VPS54: variants seen among roughly 807,000 people sequenced by gnomAD.
The protein encoded by VPS54 is vacuolar protein sorting-associated protein 54.
A neutral mutation model predicts 121.5 loss-of-function variants in VPS54; 45 were observed. The ratio of observed to expected loss-of-function variants is 0.37; its 90% CI spans 0.29 to 0.47. The LOEUF (loss-of-function observed/expected upper bound fraction) is 0.47, where lower values mean the gene tolerates loss of function less well. Among genes scored for constraint, VPS54 ranks in the 20% least tolerant of loss-of-function variants. VPS54 has a pLI of 0.99. For missense variants in VPS54, 1,090 were observed against 1,131.4 expected (o/e 0.96, Z 0.52); for synonymous variants, 371 against 385.8 (o/e 0.96, Z 0.45).
intron 20 of VPS54, among the ~76,000 whole-genome samples, chr2:63,905,181 A>G (rs1672850019): frequency 6.6e-6 from 1 of 152,198 alleles, no homozygotes; most frequent in African/African-American, 2.4e-5. Flanking sequence ...GCAAGTTAAA[A>G]GAAAATAGAA....
chr2:63,961,979 C>T, intron 7 of VPS54, 79 bp downstream of exon 7: 1 of 1,381,158 alleles, frequency 7.2e-7, no homozygotes, highest in Non-Finnish European at 9.7e-7. Context: ...AATATATTCA[C>T]ACTTTTAACA....
intron 1 of VPS54, among the ~76,000 whole-genome samples, chr2:63,992,106 G>A (rs780289605): frequency 3.3e-5 from 5 of 152,154 alleles, no homozygotes; most frequent in African/African-American, 4.8e-5. Context: ...TAAACTAATC[G>A]TGTCTGCCAA....
intron 22 of VPS54, 103 bp from the exon 23 acceptor site, chr2:63,893,638 G>A (rs1049187664): frequency 9.9e-7 from 1 of 1,007,864 alleles, no homozygotes; most frequent in Non-Finnish European, 1.4e-6. Flanking sequence ...CTAAAATTCA[G>A]ATTTCTTAGT....
Position 63,898,541 on chromosome 2 carries a change from GA to G in VPS54, c.2733+932del, listed in dbSNP as rs142318285. 4.8e-3 allele frequency among the ~76,000 whole-genome samples: 726 copies of G among 152,234 alleles called. 9 individuals carry two copies. The highest frequency in any genetic ancestry group is 0.016 in the African/African-American group (674 of 41,536). ...AGGATGGAAGTTTGAGGTAGCATAG[GA>G]AAGGAGACCAGCAGGACCAACAGTA... On this transcript the variant is annotated intron_variant, in intron 21 of 22. Transcript: ENST00000272322.
chr2:63,965,744 C>T, intron 6 of VPS54, 91 bp downstream of exon 6: 1 of 1,514,050 alleles, frequency 6.6e-7, no homozygotes, highest in Non-Finnish European at 8.9e-7. Context: ...TTTAAAAGTA[C>T]AGCTTACTAA....
At chr2:63,925,139 C>A (rs1343013061) in intron 12 of VPS54, among the ~76,000 whole-genome samples, 1 of 152,172 alleles carries the variant, frequency 6.6e-6, no homozygotes, top group East Asian at 1.9e-4. Flanking sequence ...GAGAAGATAT[C>A]TGCAATATGG....
chr2:63,940,708 T>C (rs930795551), intron 11 of VPS54, among the ~76,000 whole-genome samples: 11 of 151,830 alleles, frequency 7.2e-5, no homozygotes, highest in African/African-American at 1.2e-4. Flanking sequence ...ATCCATAACA[T>C]TGAAGACTTA....
chr2:63,925,624 T>A (rs1292225362), intron 12 of VPS54, among the ~76,000 whole-genome samples: 1 of 152,196 alleles, frequency 6.6e-6, no homozygotes, highest in African/African-American at 2.4e-5. Context: ...CATACATACA[T>A]TGTGGTGTAT....
At chr2:63,918,439 G>A (rs1306236298) in intron 15 of VPS54, among the ~76,000 whole-genome samples, 1 of 151,014 alleles carries the variant, frequency 6.6e-6, no homozygotes, top group Non-Finnish European at 1.5e-5. Context: ...AAGACTAGAT[G>A]AGTGATAAGT....
chr2:63,907,354 A>C (rs1672944488), intron 20 of VPS54, among the ~76,000 whole-genome samples: 2 of 152,132 alleles, frequency 1.3e-5, no homozygotes, highest in South Asian at 4.2e-4. Context: ...CCTCGTCTCT[A>C]TTAAAAATAT....
chr2:63,962,321 G>A lies in VPS54; in HGVS notation c.747C>T (p.Ser249=), dbSNP rs1575962633. The stretch of plus-strand genomic sequence containing the variant: ...TATCTCGAAGCATTTTTACAGCCTG[G>A]GAAGTTTTCCTGAGGTAGTCCTGCA... ...HELQDYLRKT[S]QAVKMLRDKI... Residue 249 remains serine (S), a synonymous_variant, in exon 7 of 23, where the codon TCC becomes TCT. Transcript: ENST00000272322. 2 of 1,613,880 alleles carry A rather than the reference G, an allele frequency of 1.2e-6. No individual in the cohort carries two copies. Among genetic ancestry groups the A allele is most frequent in the African/African-American group, 1.3e-5 (1 of 75,002 alleles).
At chr2:63,934,977 G>C (rs1383821140) in intron 11 of VPS54, among the ~76,000 whole-genome samples, 3 of 151,992 alleles carry the variant, frequency 2.0e-5, no homozygotes, top group East Asian at 1.9e-4. Flanking sequence ...AGTTTTTTTG[G>C]AATCTACATG....
At chr2:63,981,580 T>C (rs932604298) in intron 3 of VPS54, 66 bp downstream of exon 3, 2 of 1,488,686 alleles carry the variant, frequency 1.3e-6, no homozygotes, top group Non-Finnish European at 1.8e-6. Flanking sequence ...AAATCTATAA[T>C]AAAGCATACT....
chr2:63,961,967 T>C, intron 7 of VPS54, 91 bp downstream of exon 7: 1 of 1,304,042 alleles, frequency 7.7e-7, no homozygotes, highest in Admixed American at 2.6e-5. Flanking sequence ...CATTTAACTT[T>C]GAATATATTC....
chr2:64,016,980 C>G (rs1305603396), intron 1 of VPS54, among the ~76,000 whole-genome samples: 1 of 101,342 alleles, frequency 9.9e-6, no homozygotes, highest in Admixed American at 1.2e-4. Flanking sequence ...TTTTAAAAAG[C>G]AAAGAGCAGG....
At position 63,921,290 on chromosome 2, in the gene VPS54, C is replaced by G. The variant is rs201455446; in HGVS notation, c.1785G>C (p.Leu595=). 6.8e-6 allele frequency: 11 copies of G among 1,613,000 alleles called. No individual in the cohort carries two copies. Among genetic ancestry groups the G allele is most frequent in the Non-Finnish European group, 8.5e-7 (1 of 1,179,428 alleles). The change falls in exon 13 of 23, where the codon CTG becomes CTC. Residue 595 remains leucine (L), a synonymous_variant. Coordinates refer to ENST00000272322, the MANE Select transcript of VPS54 (RefSeq NM_016516.3). ...MKLTDSELGK[L]ANNIQELLYS... ...ATAATAATTCCTGGATATTATTTGC[C>G]AGCTTTCCTAGCTCTGAGTCAGTTA...
intron 15 of VPS54, among the ~76,000 whole-genome samples, chr2:63,919,454 G>A (rs769841011): frequency 4.2e-4 from 64 of 152,038 alleles, no homozygotes; most frequent in South Asian, 2.1e-4. Flanking sequence ...GCTAACTAGC[G>A]CTTACTCAAT....
intron 3 of VPS54, 94 bp downstream of exon 3, chr2:63,981,552 T>G: frequency 1.4e-6 from 2 of 1,390,682 alleles, no homozygotes; most frequent in Non-Finnish European, 1.9e-6. Context: ...TATAGGTTCA[T>G]CAAACATTAC....
intron 1 of VPS54, among the ~76,000 whole-genome samples, chr2:63,988,665 C>T (rs1481894995): frequency 6.6e-6 from 1 of 152,146 alleles, no homozygotes; most frequent in Non-Finnish European, 1.5e-5. Context: ...CTATGCCTGT[C>T]TTTATTTTAA....
Sources: allele counts gnomAD v4.1 joint callset (sites outside exome capture counted in the v4.1 genomes callset), GRCh38; gene constraint gnomAD v4.1.1; transcripts MANE v1.5; gene names NCBI Gene and HGNC (gene_info 2026-07-23, HGNC 2026-07-21).